The following TTC23 variants were observed in gnomAD, a reference collection of about 807,000 sequenced individuals.
The protein encoded by TTC23 is tetratricopeptide repeat domain 23.
TTC23 carries 58 observed loss-of-function variants against 55.1 expected under a neutral mutation model. That is an observed-to-expected ratio of 1.05 (90% CI 0.85 to 1.31). The LOEUF is 1.31. Among genes scored for constraint, TTC23 ranks in the 50% most tolerant of loss-of-function variants. The pLI is 0.00. For missense variants in TTC23, 516 were observed against 534.4 expected, an observed-to-expected ratio of 0.97 and a Z score of 0.34; for synonymous variants, 203 against 199.9, an observed-to-expected ratio of 1.02 and a Z score of -0.13.
intron 8 of TTC23, among the ~76,000 whole-genome samples, chr15:99,212,375 T>C (rs2077111080): frequency 6.6e-6 from 1 of 151,894 alleles, no homozygotes; most frequent in Admixed American, 6.6e-5. Flanking sequence ...GGATAGAAAA[T>C]AATTCTTAAC....
rs916357030 is a variant in TTC23, at chr15:99,243,946, T to C, written c.-309+1443A>G. Among the ~76,000 whole-genome samples the C allele has an allele frequency of 2.6e-5, 4 of 152,180 alleles. No individual in the cohort carries two copies. In the South Asian group the frequency reaches 6.2e-4, roughly 24 times the overall value. On this transcript the variant is annotated intron_variant, in intron 2 of 13. Transcript: ENST00000394132. ...GGTGACTACAGTCAACAATAAGTTA[T>C]TGTATATTTTAAAATAACTAAAAGA...
At chr15:99,194,975 C>A (rs1253827126) in intron 9 of TTC23, among the ~76,000 whole-genome samples, 1 of 152,184 alleles carries the variant, frequency 6.6e-6, no homozygotes, top group Admixed American at 6.5e-5. Context: ...AACTATAAAA[C>A]TCCTAGAACA....
chr15:99,226,813 A>G (rs758360134), intron 5 of TTC23, among the ~76,000 whole-genome samples: 30 of 152,084 alleles, frequency 2.0e-4, no homozygotes, highest in Admixed American at 2.6e-4. Context: ...CACCCTACCC[A>G]AGACGGAGCC....
chr15:99,250,960 T>C (rs192095836), upstream of TTC23, among the ~76,000 whole-genome samples: 529 of 152,294 alleles, frequency 3.5e-3, 4 homozygotes, highest in South Asian at 0.022. Flanking sequence ...TGTTAGTCCC[T>C]GTGTCATGGG....
At chr15:99,161,919 G>C (rs763644052) in intron 10 of TTC23, 52 bp from the exon 11 acceptor site, 1 of 1,548,694 alleles carries the variant, frequency 6.5e-7, no homozygotes, top group South Asian at 1.2e-5. Context: ...GATTTGAAAT[G>C]GAAACAGAAT....
In TTC23 at chr15:99,228,632, C is replaced by G; in HGVS notation, c.81G>C (p.Lys27Asn). ...VAAVSITHRK[K>N]FQNKLLQTAL... ...CTGTCTGAAGCAGCTTGTTTTGGAA[C>G]TTCTTTCTATGAGTGATGCTAACAG... The change falls in exon 5 of 14, where the codon AAG becomes AAC. Residue 27 changes from lysine (K) to asparagine (N), a missense_variant. Coordinates refer to ENST00000394132, the MANE Select transcript of TTC23 (RefSeq NM_001288615.3). The G allele has an allele frequency of 6.2e-7, 1 of 1,613,866 alleles. No homozygotes were observed. The highest frequency in any genetic ancestry group is 8.5e-7 in the Non-Finnish European group (1 of 1,179,850).
chr15:99,147,630 T>C (rs1555494621), intron 12 of TTC23, among the ~76,000 whole-genome samples: 1 of 152,172 alleles, frequency 6.6e-6, no homozygotes, highest in Admixed American at 6.5e-5. Flanking sequence ...AAGTCACGAG[T>C]GCTTGAAGAG....
At chr15:99,247,206 T>C (rs927066267) in intron 1 of TTC23, among the ~76,000 whole-genome samples, 1 of 152,080 alleles carries the variant, frequency 6.6e-6, no homozygotes, top group African/African-American at 2.4e-5. Flanking sequence ...GGAACCCTCA[T>C]ACACTCTGGT....
At position 99,204,245 on chromosome 15, in the gene TTC23, T is replaced by C. The variant is rs1003364003; in HGVS notation, c.582-4149A>G. ...TGCATTTCTGTGATCATCAGTGATG[T>C]TGAGTATTTTTTCATATACTTGTTG... On this transcript the variant is annotated intron_variant, in intron 8 of 13. Transcript: ENST00000394132. Among the ~76,000 whole-genome samples, 3 of 152,168 alleles carry C rather than the reference T, an allele frequency of 2.0e-5. No homozygotes were observed. In the East Asian group the frequency reaches 5.8e-4, roughly 29 times the overall value.
chr15:99,166,014 T>C (rs534667485), intron 10 of TTC23, among the ~76,000 whole-genome samples: 1 of 152,320 alleles, frequency 6.6e-6, no homozygotes, highest in South Asian at 2.1e-4. Flanking sequence ...CTCAGCCTTG[T>C]CCCTAACGAT....
chr15:99,219,665 A>G (rs1453255282), intron 6 of TTC23, among the ~76,000 whole-genome samples: 8 of 152,148 alleles, frequency 5.3e-5, no homozygotes, highest in Non-Finnish European at 1.2e-4. Flanking sequence ...AGAATTCCCC[A>G]GTGTGTTCCA....
At chr15:99,162,997 T>A (rs2071577507) in intron 10 of TTC23, among the ~76,000 whole-genome samples, 1 of 152,066 alleles carries the variant, frequency 6.6e-6, no homozygotes, top group Admixed American at 6.6e-5. Context: ...GTGGGAGGAC[T>A]GTTTGAGCCC....
intron 12 of TTC23, among the ~76,000 whole-genome samples, chr15:99,141,346 A>G (rs11247061): frequency 0.043 from 6,583 of 152,270 alleles, 190 homozygotes; most frequent in Non-Finnish European, 0.062. Flanking sequence ...TTATAATTTA[A>G]TATGAAGTTT....
chr15:99,207,252 A>T (rs1238942012), intron 8 of TTC23, among the ~76,000 whole-genome samples: 1 of 152,164 alleles, frequency 6.6e-6, no homozygotes, highest in African/African-American at 2.4e-5. Flanking sequence ...ATCAAGGCAA[A>T]CTACACATCT....
rs782115627 is a variant in TTC23 at position 99,137,982 on chromosome 15, T to C, written c.*28A>G. On this transcript the variant is annotated 3_prime_UTR_variant, in exon 14 of 14. Coordinates refer to ENST00000394132, the MANE Select transcript of TTC23 (RefSeq NM_001288615.3). ...CACCCTAAATGACAGTGCCCAGGAA[T>C]GTCCTAGGCTTTTTCAGGGTGGGGG... 1 of 1,613,672 alleles carries C rather than the reference T, an allele frequency of 6.2e-7. No homozygotes were observed. The highest frequency in any genetic ancestry group is 1.1e-5 in the South Asian group (1 of 91,046).
intron 9 of TTC23, among the ~76,000 whole-genome samples, chr15:99,176,761 T>C (rs944122898): frequency 6.6e-6 from 1 of 152,254 alleles, no homozygotes; most frequent in Admixed American, 6.5e-5. Context: ...TATCTTCATT[T>C]TATACATGAG....
At chr15:99,201,203 T>C (rs892157229) in intron 8 of TTC23, among the ~76,000 whole-genome samples, 2 of 152,104 alleles carry the variant, frequency 1.3e-5, no homozygotes, top group Admixed American at 6.5e-5. Flanking sequence ...TAAGTAAAGG[T>C]GGCAGTGCGA....
intron 2 of TTC23, among the ~76,000 whole-genome samples, chr15:99,242,401 G>A (rs1383455320): frequency 2.0e-5 from 3 of 152,128 alleles, no homozygotes; most frequent in African/African-American, 4.8e-5. Context: ...TGGCATCAGT[G>A]ATGTATTCTA....
At chr15:99,194,160 T>C (rs2075491950) in intron 9 of TTC23, among the ~76,000 whole-genome samples, 1 of 152,172 alleles carries the variant, frequency 6.6e-6, no homozygotes, top group African/African-American at 2.4e-5. Context: ...CTCAATGTTG[T>C]CAAGATGTGA....
Sources: gnomAD v4.1 joint callset for allele counts (sites outside exome capture counted in the v4.1 genomes callset) on GRCh38, gnomAD v4.1.1 for gene constraint, MANE v1.5 for transcripts, NCBI Gene and HGNC (gene_info 2026-07-23, HGNC 2026-07-21) for gene names.